DPP8: variants seen among roughly 807,000 people sequenced by gnomAD.
The protein encoded by DPP8 is DPP VIII.
Under a neutral mutation model 107.5 loss-of-function variants are expected in DPP8, and 31 were observed. That is an observed-to-expected ratio of 0.29 (90% CI 0.22 to 0.39). The LOEUF is 0.39. DPP8 is among the 10% of genes least tolerant of loss of function. The pLI, the probability that DPP8 is intolerant of heterozygous loss-of-function variation, is 1.00. For missense variants in DPP8, 842 were observed against 1,076.1 expected (o/e 0.78, Z 3.04); for synonymous variants, 381 against 356.6 (o/e 1.07, Z -0.77).
At chr15:65,475,518 A>G (rs1469961518) in intron 11 of DPP8, 1 of 1,441,348 alleles carries the variant, frequency 6.9e-7, no homozygotes. Flanking sequence ...CCTGCCATAA[A>G]GGCATTAAAA....
intron 2 of DPP8, 52 bp from the exon 3 acceptor site, chr15:65,507,407 T>C: frequency 8.4e-7 from 1 of 1,188,274 alleles, no homozygotes; most frequent in Non-Finnish European, 1.2e-6. Flanking sequence ...GCATTCTTAC[T>C]ACAGTCACAG....
chr15:65,479,659 A>C (rs928411093), intron 10 of DPP8, among the ~76,000 whole-genome samples: 5 of 151,758 alleles, frequency 3.3e-5, no homozygotes, highest in African/African-American at 1.2e-4. Flanking sequence ...CCTGGCTAAC[A>C]AGGTGAAACC....
intron 11 of DPP8, among the ~76,000 whole-genome samples, chr15:65,476,927 A>G (rs2066440827): frequency 6.6e-6 from 1 of 152,236 alleles, no homozygotes; most frequent in Non-Finnish European, 1.5e-5. Context: ...TATGCTACGT[A>G]AACAAGCCAG....
rs567332698 is a variant in DPP8, at chr15:65,507,459, A to C, written c.260-104T>G. On this transcript the variant is annotated intron_variant, in intron 2 of 19. Coordinates refer to ENST00000300141, the MANE Select transcript of DPP8 (RefSeq NM_130434.5). ...CCTTCTATACACTGCAATATTTTGCACTCTATGGGATATATAATGAATGTT... is the reference window on the plus strand; with the variant it reads ...CCTTCTATACACTGCAATATTTTGCCCTCTATGGGATATATAATGAATGTT... 76 of 641,250 alleles carry C rather than the reference A, an allele frequency of 1.2e-4. 1 individual carries two copies. In the South Asian group the frequency reaches 1.5e-3, roughly 12 times the overall value. The allele number at this position is 641,250 out of a possible 1,614,324, so 39.7% of individuals were successfully genotyped here.
At position 65,504,758 on chromosome 15, in the gene DPP8, G is replaced by C. The variant is rs7167666; in HGVS notation, c.372+2485C>G. Among the ~76,000 whole-genome samples the C allele has an allele frequency of 3.2e-3, 486 of 151,922 alleles. 3 individuals carry two copies. Among genetic ancestry groups the C allele is most frequent in the African/African-American group, 0.011 (448 of 41,408 alleles). ...GCACTTTGGAAGGTCAAGGTGGGAG[G>C]ATCGCTTGAGCTCAGGAGTTTGAGA... is the stretch of plus-strand genomic sequence containing the variant. On this transcript the variant is annotated intron_variant, in intron 3 of 19. Transcript: ENST00000300141.
chr15:65,482,018 ATG>A (rs202150747), intron 8 of DPP8, among the ~76,000 whole-genome samples: 2 of 150,636 alleles, frequency 1.3e-5, no homozygotes, highest in Admixed American at 6.7e-5. Context: ...ATACATATAT[ATG>A]TGTGTGTGTG....
At chr15:65,514,227 A>G (rs1259884985) in intron 1 of DPP8, among the ~76,000 whole-genome samples, 8 of 152,322 alleles carry the variant, frequency 5.3e-5, no homozygotes, top group Non-Finnish European at 1.2e-4. Context: ...CATTTTCAAT[A>G]TAACAGTAAC....
intron 14 of DPP8, among the ~76,000 whole-genome samples, chr15:65,465,350 T>G (rs969240050): frequency 3.3e-5 from 5 of 150,600 alleles, no homozygotes; most frequent in African/African-American, 1.2e-4. Context: ...GTATTTTTAG[T>G]AGATGTGGGG....
At chr15:65,449,795 G>C (rs1265405091) in intron 19 of DPP8, among the ~76,000 whole-genome samples, 1 of 152,106 alleles carries the variant, frequency 6.6e-6, no homozygotes, top group Non-Finnish European at 1.5e-5. Context: ...ACTGAGTACA[G>C]AAAGAGACAT....
chr15:65,499,105 G>GTA (rs139177822), intron 4 of DPP8, among the ~76,000 whole-genome samples: 7,298 of 138,548 alleles, frequency 0.053, 441 homozygotes, highest in African/African-American at 0.13. Flanking sequence ...GTGTGTGTGT[G>GTA]TATATATAAA....
At chr15:65,454,517 G>T in intron 16 of DPP8, 102 bp from the exon 17 acceptor site, 2 of 1,042,592 alleles carry the variant, frequency 1.9e-6, no homozygotes, top group Non-Finnish European at 2.7e-6. Flanking sequence ...ACCTGTAGGT[G>T]TTTTAATTTT....
rs1291471160 is a variant in DPP8, at chr15:65,448,908, A to G, written c.2527-1902T>C. Among the ~76,000 whole-genome samples, 195 of 83,556 alleles carry G rather than the reference A, an allele frequency of 2.3e-3. 14 individuals are homozygous for G. The East Asian group carries it at 0.025, about 11-fold the overall frequency. The allele number at this position is 83,556 out of a possible 152,430, so 54.8% of individuals were successfully genotyped here. On this transcript the variant is annotated intron_variant, in intron 19 of 19. Coordinates refer to ENST00000300141, the MANE Select transcript of DPP8 (RefSeq NM_130434.5). ...TATATATATATATATATATATATATATATATATATATATATTTAGCCTGGG... is the reference window on the plus strand; with the variant it reads ...TATATATATATATATATATATATATGTATATATATATATATTTAGCCTGGG...
rs983657389 is a variant in DPP8, at chr15:65,497,836, A to G, written c.715+28T>C. Reference sequence around the variant, plus strand: ...TATACTTCAAAAAATACTGTTCAGAAAAGTAAATCTGAAGAACTACGCCTT... The same window carrying G: ...TATACTTCAAAAAATACTGTTCAGAGAAGTAAATCTGAAGAACTACGCCTT... On this transcript the variant is annotated intron_variant, in intron 5 of 19. Coordinates refer to ENST00000300141, the MANE Select transcript of DPP8 (RefSeq NM_130434.5). 8 of 1,415,272 alleles carry G rather than the reference A, an allele frequency of 5.7e-6. No homozygotes were observed. The African/African-American group carries it at 1.0e-4, about 18-fold the overall frequency. The allele number at this position is 1,415,272 out of a possible 1,614,324, so 87.7% of individuals were successfully genotyped here.
At position 65,479,030 on chromosome 15, in the gene DPP8, T is replaced by G. The variant is rs1268796374; in HGVS notation, c.1306A>C (p.Ile436Leu). ...TTDIWINIHD[I>L]FHVFPQSHEE... Reference sequence around the variant, plus strand: ...TGACTTTGGGGAAAAACATGAAAGATGTCATGGATCTGTAAAATGAATAGC... The same window carrying G: ...TGACTTTGGGGAAAAACATGAAAGAGGTCATGGATCTGTAAAATGAATAGC... Residue 436 changes from isoleucine to leucine, a missense_variant, in exon 11 of 20, where the codon ATC becomes CTC. Transcript: ENST00000300141. The G allele has an allele frequency of 6.3e-7, 1 of 1,578,754 alleles. No individual in the cohort carries two copies. The highest frequency in any genetic ancestry group is 1.4e-5 in the African/African-American group (1 of 72,900).
At chr15:65,475,247 T>C (rs2066276098) in intron 11 of DPP8, 1 of 534,146 alleles carries the variant, frequency 1.9e-6, no homozygotes, top group East Asian at 3.4e-5. Context: ...GTTGAGAGTA[T>C]GACATTTACA....
At chr15:65,452,157 C>T in intron 17 of DPP8, 55 bp from the exon 18 acceptor site, 1 of 1,552,024 alleles carries the variant, frequency 6.4e-7, no homozygotes, top group South Asian at 1.2e-5. Context: ...GAGTGGCTAG[C>T]AGTGAGATCT....
chr15:65,463,797 T>C lies in DPP8; in HGVS notation c.1935A>G (p.Lys645=). ...YKPHDLQPGK[K]YPTVLFIYGG... is the part of the protein sequence containing the mutation. Reference sequence around the variant, plus strand: ...CATATATGAACAGCACAGTAGGATATTTCTTTCCAGGCTGTAGATCATGAG... The same window carrying C: ...CATATATGAACAGCACAGTAGGATACTTCTTTCCAGGCTGTAGATCATGAG... The change falls in exon 15 of 20, where the codon AAA becomes AAG. Residue 645 remains lysine (K), a synonymous_variant. Coordinates refer to ENST00000300141, the MANE Select transcript of DPP8 (RefSeq NM_130434.5). 1 of 1,613,530 alleles carries C rather than the reference T, an allele frequency of 6.2e-7. No individual in the cohort carries two copies. The highest frequency in any genetic ancestry group is 8.5e-7 in the Non-Finnish European group (1 of 1,179,532).
At position 65,447,016 on chromosome 15, in the gene DPP8, A is replaced by G; in HGVS notation, c.2527-10T>C. The G allele has an allele frequency of 6.5e-7, 1 of 1,548,472 alleles. No individual in the cohort carries two copies. Among genetic ancestry groups the G allele is most frequent in the Non-Finnish European group, 8.7e-7 (1 of 1,153,242 alleles). ...TCTCCTGAGGATAGATCTTACCAAC[A>G]ACAAAAAATAAAGATACAAAAAAAA... is the stretch of plus-strand genomic sequence containing the variant. On this transcript the variant is annotated splice_polypyrimidine_tract_variant and intron_variant, in intron 19 of 19. Transcript: ENST00000300141.
intron 1 of DPP8, 73 bp from the exon 2 acceptor site, chr15:65,512,637 A>G: frequency 7.4e-7 from 1 of 1,344,660 alleles, no homozygotes; most frequent in South Asian, 1.5e-5. Flanking sequence ...TGAGAGGGTC[A>G]AAAAAAAAGC....
Sources: allele counts gnomAD v4.1 joint callset (sites outside exome capture counted in the v4.1 genomes callset), GRCh38; gene constraint gnomAD v4.1.1; transcripts MANE v1.5; gene names NCBI Gene and HGNC (gene_info 2026-07-23, HGNC 2026-07-21).